RAPH1: variants seen among roughly 807,000 people sequenced by gnomAD.
The protein encoded by RAPH1 is ras-associated and pleckstrin homology domains-containing protein 1.
RAPH1 carries 18 observed loss-of-function variants against 88.1 expected under a neutral mutation model. That is an observed-to-expected ratio of 0.20 (90% CI 0.14 to 0.30). RAPH1 has a LOEUF of 0.30. RAPH1 is among the 10% of genes least tolerant of loss of function. The pLI, the probability that RAPH1 is intolerant of heterozygous loss-of-function variation, is 1.00. For synonymous variants in RAPH1, 587 were observed against 559.0 expected (o/e 1.05, Z -0.71); for missense variants, 1,448 against 1,543.2 (o/e 0.94, Z 1.03).
chr2:203,440,144 C>T lies in RAPH1; in HGVS notation c.3046G>A (p.Glu1016Lys). ...GGTGCTGCAGGAGGTGGTAGGGTCT[C>T]CTTGCTGGGAGACCCTGATTCTGCT... is the stretch of plus-strand genomic sequence containing the variant. ...PPAESGSPSK[E>K]TLPPPAAPPK... Residue 1016 changes from glutamate (E) to lysine (K), a missense_variant, in exon 14 of 14, where the codon GAG becomes AAG. By Grantham distance (56) the Glu-to-Lys change is moderately conservative. This residue lies in a region of RAPH1 where 935 missense variants were observed against 890.1 expected (regional missense o/e 1.05). Transcript: ENST00000319170. 1.2e-6 allele frequency: 2 copies of T among 1,613,550 alleles called. No homozygotes were observed. The highest frequency in any genetic ancestry group is 1.7e-6 in the Non-Finnish European group (2 of 1,179,994).
At chr2:203,515,756 A>G (rs771675296) in intron 1 of RAPH1, among the ~76,000 whole-genome samples, 1 of 152,234 alleles carries the variant, frequency 6.6e-6, no homozygotes, top group Non-Finnish European at 1.5e-5. Flanking sequence ...AAACCAACCA[A>G]ACTAGAATTC....
chr2:203,461,500 G>A lies in RAPH1; in HGVS notation c.811-92C>T, dbSNP rs536837857. On this transcript the variant is annotated intron_variant, in intron 5 of 13. Transcript: ENST00000319170. ...AATATCAAATAAAATTTGGATTAAT[G>A]TATTTGTATATAAATTAAAACACAA... 64 of 948,600 alleles carry A rather than the reference G, an allele frequency of 6.7e-5. No homozygotes were observed. In the African/African-American group the frequency reaches 9.8e-4, roughly 14 times the overall value. 58.8% of individuals were successfully genotyped at this position (948,600 alleles called of 1,614,324 possible). A position where few individuals can be genotyped will look rare whatever the true frequency, so the allele number is the denominator to read the frequency against.
intron 1 of RAPH1, among the ~76,000 whole-genome samples, chr2:203,513,201 C>A (rs1350425963): frequency 2.1e-5 from 3 of 144,940 alleles, no homozygotes; most frequent in African/African-American, 8.4e-5. Flanking sequence ...TCTTAATCTG[C>A]AGAAAAATGG....
rs529889542 is a variant in RAPH1 at position 203,506,751 on chromosome 2, T to G, written c.1-11398A>C. On this transcript the variant is annotated intron_variant, in intron 1 of 13. Transcript: ENST00000319170. ...ATATATAGATATATATCTATATATA[T>G]ATATATCTATATATATATCTATATA... is the stretch of plus-strand genomic sequence containing the variant. 2.4e-3 allele frequency among the ~76,000 whole-genome samples: 313 copies of G among 131,942 alleles called. 19 individuals carry two copies. Among genetic ancestry groups the G allele is most frequent in the East Asian group, 0.017 (85 of 4,870 alleles). 86.6% of individuals were successfully genotyped at this position (131,942 alleles called of 152,430 possible).
rs116731791 is a variant in RAPH1 at position 203,464,188 on chromosome 2, T to C, written c.733-2263A>G. ...AGGTATATTTGCAGGTTTCACTTCA[T>C]ATTCCTGAAAAGTAAATTTAAAGTC... On this transcript the variant is annotated intron_variant, in intron 4 of 13. Transcript: ENST00000319170. 3.5e-3 allele frequency among the ~76,000 whole-genome samples: 532 copies of C among 152,364 alleles called. 5 individuals are homozygous for C. The highest frequency in any genetic ancestry group is 0.012 in the African/African-American group (517 of 41,586).
intron 4 of RAPH1, among the ~76,000 whole-genome samples, chr2:203,477,694 G>T (rs1687527411): frequency 6.6e-6 from 1 of 152,066 alleles, no homozygotes; most frequent in South Asian, 2.1e-4. Context: ...AATTCTAGAT[G>T]AATAATGTGT....
chr2:203,505,370 C>T (rs1389453399), intron 1 of RAPH1, among the ~76,000 whole-genome samples: 1 of 152,032 alleles, frequency 6.6e-6, no homozygotes, highest in East Asian at 1.9e-4. Context: ...CTGATAAACC[C>T]ATCAAATCTC....
Position 203,437,977 on chromosome 2 carries a change from G to A in RAPH1, c.*1460C>T, listed in dbSNP as rs1354059538. The A allele has an allele frequency of 8.7e-6, 3 of 345,404 alleles. No individual in the cohort carries two copies. The East Asian group carries it at 2.3e-4, about 27-fold the overall frequency. The allele number at this position is 345,404 out of a possible 1,614,324, so 21.4% of individuals were successfully genotyped here. ...AGTCCAATTTATCATAAGTTGATGA[G>A]AGTACTTATTTCTCTCATGTACCAA... On this transcript the variant is annotated 3_prime_UTR_variant, in exon 14 of 14. Coordinates refer to ENST00000319170, the MANE Select transcript of RAPH1 (RefSeq NM_213589.3).
chr2:203,524,202 A>G (rs539372086), intron 1 of RAPH1, among the ~76,000 whole-genome samples: 5 of 152,334 alleles, frequency 3.3e-5, no homozygotes, highest in African/African-American at 1.2e-4. Flanking sequence ...CAACATCAAT[A>G]ATAATCAGCG....
At chr2:203,462,830 A>G (rs1232482704) in intron 4 of RAPH1, among the ~76,000 whole-genome samples, 3 of 152,346 alleles carry the variant, frequency 2.0e-5, no homozygotes, top group East Asian at 1.9e-4. Flanking sequence ...AAAAACTTGT[A>G]TAAGTAAACT....
At chr2:203,491,342 AG>A in intron 2 of RAPH1, 23 bp from the exon 3 acceptor site, 3 of 1,476,236 alleles carry the variant, frequency 2.0e-6, no homozygotes, top group Non-Finnish European at 2.8e-6. Flanking sequence ...AAAGTTTAAT[AG>A]TCATATTAAA....
At chr2:203,452,736 CG>C (rs2098515923) in intron 10 of RAPH1, among the ~76,000 whole-genome samples, 1 of 152,128 alleles carries the variant, frequency 6.6e-6, no homozygotes, top group Non-Finnish European at 1.5e-5. Flanking sequence ...CTGAGGCAGG[CG>C]GATCACTTGA....
Position 203,441,267 on chromosome 2 carries a change from AGGGGGTGGTGGAGGAGGAGGT to A in RAPH1, c.1902_1922del (p.Pro642_Pro648del), listed in dbSNP as rs1049057350. 2.4e-5 allele frequency: 3 copies of A among 127,520 alleles called. No individual in the cohort carries two copies. Among genetic ancestry groups the A allele is most frequent in the Non-Finnish European group, 2.6e-5 (2 of 78,426 alleles). 7.9% of individuals were successfully genotyped at this position (127,520 alleles called of 1,614,324 possible). ...GGAGTGGGGGAGGAGGGGGTGGTGG[AGGGGGTGGTGGAGGAGGAGGT>A]GGGGGTGGCGGAGGAGGTAGAGGTG... On this transcript the variant is annotated inframe_deletion, in exon 14 of 14. Transcript: ENST00000319170.
At chr2:203,511,003 TC>T (rs1689316445) in intron 1 of RAPH1, among the ~76,000 whole-genome samples, 1 of 152,172 alleles carries the variant, frequency 6.6e-6, no homozygotes, top group Non-Finnish European at 1.5e-5. Flanking sequence ...AGATGCCACT[TC>T]CTCTGAGAAG....
At chr2:203,485,104 A>T (rs898084445) in intron 4 of RAPH1, among the ~76,000 whole-genome samples, 4 of 152,178 alleles carry the variant, frequency 2.6e-5, no homozygotes, top group African/African-American at 4.8e-5. Flanking sequence ...ATGCTCATTT[A>T]TAAGAGTTAC....
intron 1 of RAPH1, among the ~76,000 whole-genome samples, chr2:203,504,210 C>T (rs1470547185): frequency 6.6e-6 from 1 of 152,256 alleles, no homozygotes; most frequent in East Asian, 1.9e-4. Flanking sequence ...TTCCCTTCCG[C>T]ACTGTCCCAG....
intron 1 of RAPH1, among the ~76,000 whole-genome samples, chr2:203,506,822 A>ATC (rs1689063333): frequency 1.5e-5 from 1 of 66,658 alleles, no homozygotes; most frequent in African/African-American, 7.3e-5. Context: ...CTATATATCT[A>ATC]TATATATATC....
intron 4 of RAPH1, among the ~76,000 whole-genome samples, chr2:203,482,230 G>A (rs1051179858): frequency 6.6e-6 from 1 of 152,012 alleles, no homozygotes; most frequent in African/African-American, 2.4e-5. Context: ...CTGTCGCCCA[G>A]GCTGGAGTAC....
intron 1 of RAPH1, among the ~76,000 whole-genome samples, chr2:203,509,630 A>G (rs1256380517): frequency 6.6e-6 from 1 of 152,180 alleles, no homozygotes; most frequent in Non-Finnish European, 1.5e-5. Context: ...CCCAACATCC[A>G]GATAGGAGGT....
Sources: gnomAD v4.1 joint callset for allele counts (sites outside exome capture counted in the v4.1 genomes callset) on GRCh38, gnomAD v4.1.1 for gene constraint, gnomAD v4.1.1 regional missense constraint, MANE v1.5 for transcripts, NCBI Gene and HGNC (gene_info 2026-07-23, HGNC 2026-07-21) for gene names.